Variants in ZFHX3 observed in about 807,000 individuals in gnomAD.
The protein encoded by ZFHX3 is zinc finger homeobox protein 3.
A neutral mutation model predicts 279.1 loss-of-function variants in ZFHX3; 42 were observed. The observed-to-expected ratio is 0.15, with a 90% confidence interval of 0.12 to 0.19. ZFHX3 has a LOEUF of 0.19. Ranked by LOEUF, ZFHX3 falls within the 10% of genes least tolerant of loss-of-function variation. ZFHX3 has a pLI of 1.00. For missense variants in ZFHX3, 4,981 were observed against 4,754.0 expected (o/e 1.05, Z -1.40); for synonymous variants, 2,293 against 1,957.8 (o/e 1.17, Z -4.52).
chr16:73,555,675 A>G (rs1253341411), intron 2 of ZFHX3, among the ~76,000 whole-genome samples: 2 of 151,764 alleles, frequency 1.3e-5, no homozygotes, highest in African/African-American at 2.4e-5. Context: ...TACTAAAAAT[A>G]TAAAAAATTA....
At chr16:73,367,278 T>C (rs1217533643) in intron 3 of ZFHX3, among the ~76,000 whole-genome samples, 1 of 152,196 alleles carries the variant, frequency 6.6e-6, no homozygotes, top group Non-Finnish European at 1.5e-5. Context: ...AGAGATCCCA[T>C]GAGGCTATTG....
At chr16:73,663,723 C>T (rs529342183) in intron 2 of ZFHX3, among the ~76,000 whole-genome samples, 13 of 152,056 alleles carry the variant, frequency 8.5e-5, no homozygotes, top group Admixed American at 5.2e-4. Flanking sequence ...TCTGGGGAAG[C>T]GTAAGCCATG....
At chr16:72,824,696 G>T (rs1383504675) in intron 5 of ZFHX3, among the ~76,000 whole-genome samples, 1 of 152,134 alleles carries the variant, frequency 6.6e-6, no homozygotes, top group Non-Finnish European at 1.5e-5. Flanking sequence ...TCTTTGCCAA[G>T]AGTTCAATTT....
intron 2 of ZFHX3, among the ~76,000 whole-genome samples, chr16:73,500,591 T>C (rs2034609513): frequency 6.7e-6 from 1 of 150,258 alleles, no homozygotes; most frequent in African/African-American, 2.5e-5. Context: ...CCTCCCAAAG[T>C]GCTGGTATTA....
chr16:73,547,769 C>T (rs2020145212), intron 2 of ZFHX3, among the ~76,000 whole-genome samples: 1 of 152,216 alleles, frequency 6.6e-6, no homozygotes, highest in South Asian at 2.1e-4. Flanking sequence ...CTGGCTCCCT[C>T]CCAGCTGTGC....
intron 3 of ZFHX3, among the ~76,000 whole-genome samples, chr16:73,414,636 G>C (rs978925689): frequency 2.0e-5 from 3 of 152,188 alleles, no homozygotes; most frequent in Admixed American, 2.0e-4. Flanking sequence ...AGAAGTTTGA[G>C]ACCAGCCTGA....
At chr16:73,107,347 A>T (rs1477653282) in intron 7 of ZFHX3, among the ~76,000 whole-genome samples, 1 of 152,080 alleles carries the variant, frequency 6.6e-6, no homozygotes, top group East Asian at 1.9e-4. Flanking sequence ...AAAATAAAAA[A>T]ATTGATTCCT....
chr16:73,282,949 T>A (rs34884236), intron 4 of ZFHX3, among the ~76,000 whole-genome samples: 64,263 of 152,080 alleles, frequency 0.42, 14,699 homozygotes, highest in East Asian at 0.64. Flanking sequence ...CTATTCTTAA[T>A]GTTAGGGAAA....
At chr16:73,449,474 C>A (rs562941587) in intron 3 of ZFHX3, among the ~76,000 whole-genome samples, 1 of 152,094 alleles carries the variant, frequency 6.6e-6, no homozygotes, top group South Asian at 2.1e-4. Context: ...TCAGCCTGGG[C>A]AACATAGCAA....
intron 5 of ZFHX3, among the ~76,000 whole-genome samples, chr16:73,223,392 T>C (rs2012486682): frequency 6.6e-6 from 1 of 152,158 alleles, no homozygotes; most frequent in African/African-American, 2.4e-5. Flanking sequence ...AACAGTCTAA[T>C]TAGAAAACGG....
intron 2 of ZFHX3, among the ~76,000 whole-genome samples, chr16:73,500,880 T>G (rs956995710): frequency 2.6e-5 from 4 of 152,330 alleles, no homozygotes; most frequent in African/African-American, 9.6e-5. Flanking sequence ...TAAATATTTA[T>G]TAAATACTGT....
At chr16:73,586,435 T>A (rs556924619) in intron 2 of ZFHX3, among the ~76,000 whole-genome samples, 14 of 141,748 alleles carry the variant, frequency 9.9e-5, no homozygotes, top group South Asian at 4.5e-4. Flanking sequence ...CAAAAAAACA[T>A]ACAGAAAAGT....
chr16:73,716,610 TG>T (rs1203812903), intron 1 of ZFHX3, among the ~76,000 whole-genome samples: 1 of 94,232 alleles, frequency 1.1e-5, no homozygotes, highest in Admixed American at 1.3e-4. Flanking sequence ...ATTCTTACTC[TG>T]AACACACACA....
intron 6 of ZFHX3, among the ~76,000 whole-genome samples, chr16:73,139,407 G>T (rs1293517712): frequency 6.6e-6 from 1 of 152,136 alleles, no homozygotes; most frequent in East Asian, 1.9e-4. Flanking sequence ...TTTACTTCTG[G>T]GTGGTGGAAT....
intron 4 of ZFHX3, among the ~76,000 whole-genome samples, chr16:72,882,137 T>C (rs2038491972): frequency 6.7e-6 from 1 of 149,156 alleles, no homozygotes; most frequent in South Asian, 2.1e-4. Context: ...CTGTCTCTCC[T>C]AATTCCAGGA....
At chr16:73,702,760 T>C (rs1052927476) in intron 1 of ZFHX3, among the ~76,000 whole-genome samples, 2 of 152,132 alleles carry the variant, frequency 1.3e-5, no homozygotes, top group East Asian at 1.9e-4. Flanking sequence ...CTAATACCTA[T>C]ACAAAAAGAG....
At chr16:73,356,078 A>C (rs768822033) in intron 3 of ZFHX3, among the ~76,000 whole-genome samples, 1 of 152,226 alleles carries the variant, frequency 6.6e-6, no homozygotes, top group Non-Finnish European at 1.5e-5. Flanking sequence ...TCAAGGCTTC[A>C]GAATTAAAGA....
At chr16:73,456,963 A>G (rs1224801260) in intron 2 of ZFHX3, among the ~76,000 whole-genome samples, 1 of 152,222 alleles carries the variant, frequency 6.6e-6, no homozygotes, top group East Asian at 1.9e-4. Context: ...GCGAGGCGTA[A>G]TAGAAGGGTC....
At position 72,796,428 on chromosome 16, in the gene ZFHX3, A is replaced by G; in HGVS notation, c.6254T>C (p.Leu2085Pro). Residue 2085 changes from leucine (L) to proline (P), a missense_variant, in exon 9 of 10, where the codon CTC (leucine) becomes CCC (proline). Physicochemically the swap from Leu to Pro is moderately conservative, Grantham distance 98. Around this residue, in one of 7 missense-constraint regions of ZFHX3, gnomAD observed 1,751 missense variants for 1,770.0 expected, o/e 0.99. Coordinates refer to ENST00000268489, the MANE Select transcript of ZFHX3 (RefSeq NM_006885.4). ...CTCCATCGGCATGGAGAGCTGGGTG[A>G]GCGGCACTGATGGCTGGGCCGGTGC... ...TIAPAQPSVP[L>P]TQLSMPMELP... 1 of 1,610,922 alleles carries G rather than the reference A, an allele frequency of 6.2e-7. No individual in the cohort carries two copies. The highest frequency in any genetic ancestry group is 8.5e-7 in the Non-Finnish European group (1 of 1,179,954).
Sources: allele counts gnomAD v4.1 joint callset (sites outside exome capture counted in the v4.1 genomes callset), GRCh38; gene constraint gnomAD v4.1.1; regional missense constraint gnomAD v4.1.1; transcripts MANE v1.5; gene names NCBI Gene and HGNC (gene_info 2026-07-23, HGNC 2026-07-21).